RILPL1: variants seen among roughly 807,000 people sequenced by gnomAD.
RILPL1 encodes Rab interacting lysosomal protein like 1.
RILPL1 carries 33 observed loss-of-function variants against 50.3 expected under a neutral mutation model. The observed-to-expected ratio is 0.66, with a 90% confidence interval of 0.50 to 0.88. The LOEUF is 0.88. Ranked by LOEUF, RILPL1 falls within the 40% of genes least tolerant of loss-of-function variation. RILPL1 has a pLI of 0.00. For missense variants in RILPL1, 418 were observed against 542.5 expected (o/e 0.77, Z 2.28); for synonymous variants, 205 against 228.6 (o/e 0.90, Z 0.93).
chr12:123,472,502 G>A lies in RILPL1; in HGVS notation c.*36C>T, dbSNP rs368948563. 6 of 1,548,878 alleles carry A rather than the reference G, an allele frequency of 3.9e-6. No homozygotes were observed. The highest frequency in any genetic ancestry group is 2.2e-4 in the Middle Eastern group (1 of 4,646). On this transcript the variant is annotated 3_prime_UTR_variant, in exon 7 of 7. Transcript: ENST00000376874. Reference sequence around the variant, plus strand: ...CAGTTCGGTTGCAGGCGCTGGTGGCGGGCAGTCCAGGTTGGAGGGTGGAGA... The same window carrying A: ...CAGTTCGGTTGCAGGCGCTGGTGGCAGGCAGTCCAGGTTGGAGGGTGGAGA...
intron 6 of RILPL1, among the ~76,000 whole-genome samples, chr12:123,482,809 C>A (rs1282929882): frequency 6.6e-6 from 1 of 151,836 alleles, no homozygotes; most frequent in Non-Finnish European, 1.5e-5. Flanking sequence ...CACCATGTTG[C>A]CCAGGTTGGT....
chr12:123,492,019 TAAATA>T (rs1162642107), intron 4 of RILPL1, among the ~76,000 whole-genome samples: 1 of 150,652 alleles, frequency 6.6e-6, no homozygotes. Context: ...AATAAATAAA[TAAATA>T]AAATAAAATA....
chr12:123,533,248 C>A lies in RILPL1; in HGVS notation c.235G>T (p.Glu79Ter). The A allele has an allele frequency of 6.3e-7, 1 of 1,593,226 alleles. No homozygotes were observed. The highest frequency in any genetic ancestry group is 8.5e-7 in the Non-Finnish European group (1 of 1,175,740). The change falls in exon 1 of 7, where the codon GAG (glutamate) becomes TAG (stop). Residue 79 changes from glutamate (E) to a stop codon, truncating the protein, a stop_gained. Coordinates refer to ENST00000376874, the MANE Select transcript of RILPL1 (RefSeq NM_178314.5). LOFTEE classifies it high-confidence loss of function. The surrounding 1 kb of genome is among the most constrained non-coding windows in gnomAD (Gnocchi z 6.2). Reference sequence around the variant, plus strand: ...AGGCGGTCCAGCTCCAGGCGCAGCTCGTCCAGCTCGGGCGCGACGTGGTGG... The same window carrying A: ...AGGCGGTCCAGCTCCAGGCGCAGCTAGTCCAGCTCGGGCGCGACGTGGTGG... ...SRHHVAPELDELRLELDRLRL... is the reference protein window; with the variant it reads ...SRHHVAPELD
intron 6 of RILPL1, among the ~76,000 whole-genome samples, chr12:123,478,429 G>C (rs1008247118): frequency 6.6e-6 from 1 of 152,032 alleles, no homozygotes; most frequent in South Asian, 2.1e-4. Context: ...GTTTTGGCCC[G>C]AAGTTTGTCT....
chr12:123,472,439 G>A lies in RILPL1; in HGVS notation c.*99C>T. ...AGGGGTCAGTTTTCAGGGTGCATCT[G>A]CACCGAGAGGCTTGAGGCAGCAATG... On this transcript the variant is annotated 3_prime_UTR_variant, in exon 7 of 7. Transcript: ENST00000376874. 1 of 1,348,276 alleles carries A rather than the reference G, an allele frequency of 7.4e-7. No homozygotes were observed. 83.5% of individuals were successfully genotyped at this position (1,348,276 alleles called of 1,614,324 possible). A position where few individuals can be genotyped will look rare whatever the true frequency, so the allele number is the denominator to read the frequency against.
At position 123,475,326 on chromosome 12, in the gene RILPL1, G is replaced by C. The variant is rs185548051; in HGVS notation, c.1068-2644C>G. 3 of 311,840 alleles carry C rather than the reference G, an allele frequency of 9.6e-6. No individual in the cohort carries two copies. In the South Asian group the frequency reaches 1.2e-4, roughly 12 times the overall value. 19.3% of individuals were successfully genotyped at this position (311,840 alleles called of 1,614,324 possible). A position where few individuals can be genotyped will look rare whatever the true frequency, so the allele number is the denominator to read the frequency against. On this transcript the variant is annotated intron_variant, in intron 6 of 6. Coordinates refer to ENST00000376874, the MANE Select transcript of RILPL1 (RefSeq NM_178314.5). ...GGTGAACATCAAAAACATAGGGTTA[G>C]TGTCACTCGGGGACCGCAGTGGGCG...
intron 2 of RILPL1, among the ~76,000 whole-genome samples, chr12:123,516,956 G>A (rs1884734243): frequency 6.6e-6 from 1 of 152,154 alleles, no homozygotes; most frequent in Non-Finnish European, 1.5e-5. Flanking sequence ...AGCTACTTGG[G>A]AGGCTGAGGC....
In RILPL1 at chr12:123,498,819, T is replaced by G. The variant is rs1883192692; in HGVS notation, c.580-54A>C. The G allele has an allele frequency of 3.9e-6, 6 of 1,538,546 alleles. No homozygotes were observed. Among genetic ancestry groups the G allele is most frequent in the South Asian group, 1.1e-5 (1 of 89,732 alleles). ...GGCTGCCACCTGCGGTAGCTCAGGTTGTACACTGCACAACGGCAAACCATC... is the reference window on the plus strand; with the variant it reads ...GGCTGCCACCTGCGGTAGCTCAGGTGGTACACTGCACAACGGCAAACCATC... On this transcript the variant is annotated intron_variant, in intron 3 of 6. Transcript: ENST00000376874. The surrounding 1 kb of genome is among the most constrained non-coding windows in gnomAD (Gnocchi z 4.3).
chr12:123,530,419 G>A (rs1885404880), intron 1 of RILPL1, among the ~76,000 whole-genome samples: 1 of 152,146 alleles, frequency 6.6e-6, no homozygotes, highest in Admixed American at 6.6e-5. Flanking sequence ...ACCCGCCTTG[G>A]CCCCCCAAAA....
In RILPL1 at chr12:123,472,672, A is replaced by G. The variant is rs1469877087; in HGVS notation, c.1078T>C (p.Phe360Leu). ...ESGIKRLFSF[F>L]SRDKKRLANT... ...GCCAGGCGCTTCTTATCTCGGGAGAAGAAGCTAAACCTTTGGAAGGGAAAG... is the reference window on the plus strand; with the variant it reads ...GCCAGGCGCTTCTTATCTCGGGAGAGGAAGCTAAACCTTTGGAAGGGAAAG... Residue 360 changes from phenylalanine (F) to leucine (L), a missense_variant, in exon 7 of 7, where the codon TTC becomes CTC. Physicochemically the swap from Phe to Leu is conservative, Grantham distance 22. Transcript: ENST00000376874. The G allele has an allele frequency of 4.4e-6, 7 of 1,597,962 alleles. No individual in the cohort carries two copies. The Admixed American group carries it at 1.2e-4, about 28-fold the overall frequency.
chr12:123,485,917 G>C lies in RILPL1; in HGVS notation c.802-112C>G. ...CCTCCCGGGGTGCCAGCAGCCTGTG[G>C]AGGGTGCTATTTTCAGCACTCGCAG... On this transcript the variant is annotated intron_variant, in intron 4 of 6. Coordinates refer to ENST00000376874, the MANE Select transcript of RILPL1 (RefSeq NM_178314.5). This position sits in a 1 kb window ranked among gnomAD's most constrained non-coding sequence, Gnocchi z 4.0. 1 of 1,130,272 alleles carries C rather than the reference G, an allele frequency of 8.8e-7. No homozygotes were observed. The highest frequency in any genetic ancestry group is 1.2e-6 in the Non-Finnish European group (1 of 825,638). The allele number at this position is 1,130,272 out of a possible 1,614,324, so 70.0% of individuals were successfully genotyped here.
intron 6 of RILPL1, chr12:123,474,779 G>T (rs186838834): frequency 6.6e-6 from 1 of 152,218 alleles, no homozygotes; most frequent in South Asian, 2.1e-4. Context: ...AAGCCACTGC[G>T]AAATCAAAGC....
At chr12:123,495,606 C>T (rs760353797) in intron 4 of RILPL1, among the ~76,000 whole-genome samples, 1 of 150,606 alleles carries the variant, frequency 6.6e-6, no homozygotes, top group African/African-American at 2.5e-5. Flanking sequence ...AATCTCCTGA[C>T]CTTGTGATCC....
rs1000298129 is a variant in RILPL1, at chr12:123,471,448, G to C, written c.*1090C>G. On this transcript the variant is annotated 3_prime_UTR_variant, in exon 7 of 7. Transcript: ENST00000376874. ...TGATAAACTTGAGTGCTGGTAGGAG[G>C]TGCTACCTCGCTCAATCTGTGAGCA... The C allele has an allele frequency of 6.6e-6, 1 of 152,250 alleles. No individual in the cohort carries two copies. The highest frequency in any genetic ancestry group is 1.5e-5 in the Non-Finnish European group (1 of 68,084). 9.4% of individuals were successfully genotyped at this position (152,250 alleles called of 1,614,324 possible). A position where few individuals can be genotyped will look rare whatever the true frequency, so the allele number is the denominator to read the frequency against.
chr12:123,498,796 C>A lies in RILPL1; in HGVS notation c.580-31G>T, dbSNP rs1484237819. 6.2e-7 allele frequency: 1 copy of A among 1,601,152 alleles called. No homozygotes were observed. The highest frequency in any genetic ancestry group is 2.2e-5 in the East Asian group (1 of 44,870). The stretch of plus-strand genomic sequence containing the variant: ...GAAAAAGGGAGACCATTGTGCGGGG[C>A]TGCCACCTGCGGTAGCTCAGGTTGT... On this transcript the variant is annotated intron_variant, in intron 3 of 6. Coordinates refer to ENST00000376874, the MANE Select transcript of RILPL1 (RefSeq NM_178314.5). This position sits in a 1 kb window ranked among gnomAD's most constrained non-coding sequence, Gnocchi z 4.3.
At chr12:123,513,234 TG>T in intron 2 of RILPL1, 1 of 255,344 alleles carries the variant, frequency 3.9e-6, no homozygotes, top group Non-Finnish European at 8.5e-6. Flanking sequence ...CGTGTGTGTT[TG>T]GGGGCTGAGG....
rs887034286 is a variant in RILPL1 at position 123,532,712 on chromosome 12, G to C, written c.309+462C>G. On this transcript the variant is annotated intron_variant, in intron 1 of 6. Transcript: ENST00000376874. ...TTTGCTCTGGGGAGACTGGGGGGGGGGGGGATGAAGAAAGGGTCCTGGGCC... is the reference window on the plus strand; with the variant it reads ...TTTGCTCTGGGGAGACTGGGGGGGGCGGGGATGAAGAAAGGGTCCTGGGCC... Among the ~76,000 whole-genome samples, 2 of 131,986 alleles carry C rather than the reference G, an allele frequency of 1.5e-5. 1 individual carries two copies. The highest frequency in any genetic ancestry group is 3.3e-5 in the Non-Finnish European group (2 of 60,158). The allele number at this position is 131,986 out of a possible 152,430, so 86.6% of individuals were successfully genotyped here. A position where few individuals can be genotyped will look rare whatever the true frequency, so the allele number is the denominator to read the frequency against.
chr12:123,511,332 GTGTGTAGTGTCAA>G, intron 2 of RILPL1, among the ~76,000 whole-genome samples: 1 of 149,298 alleles, frequency 6.7e-6, no homozygotes, highest in Non-Finnish European at 1.5e-5. Context: ...TGTGAGGTCT[GTGTGTAGTGTCAA>G]TGTGAGGTCT....
intron 2 of RILPL1, among the ~76,000 whole-genome samples, chr12:123,501,950 C>T (rs1746901727): frequency 6.6e-6 from 1 of 151,718 alleles, no homozygotes. Flanking sequence ...TGGCGCATGC[C>T]TGTAATCCCA....
Sources: allele counts gnomAD v4.1 joint callset (sites outside exome capture counted in the v4.1 genomes callset), GRCh38; gene constraint gnomAD v4.1.1; non-coding constraint Gnocchi (gnomAD v3.1); transcripts MANE v1.5; gene names NCBI Gene and HGNC (gene_info 2026-07-23, HGNC 2026-07-21).